The following STAU1 variants were observed in gnomAD, a reference collection of about 807,000 sequenced individuals.
The protein encoded by STAU1 is staufen double-stranded RNA binding protein 1.
In STAU1, 13 loss-of-function variants were observed where a neutral mutation model predicts 62.9. The ratio of observed to expected loss-of-function variants is 0.21; its 90% CI spans 0.13 to 0.33. STAU1 has a LOEUF of 0.33. Ranked by LOEUF, STAU1 falls within the 10% of genes least tolerant of loss-of-function variation. The pLI, the probability that STAU1 is intolerant of heterozygous loss-of-function variation, is 1.00. For missense variants in STAU1, 571 were observed against 712.1 expected (o/e 0.80, Z 2.25); for synonymous variants, 269 against 265.1 (o/e 1.01, Z -0.14).
At chr20:49,151,226 T>A (rs1226009646) in intron 5 of STAU1, among the ~76,000 whole-genome samples, 1 of 152,116 alleles carries the variant, frequency 6.6e-6, no homozygotes, top group South Asian at 2.1e-4. Context: ...CTGGTACCCA[T>A]ATATCACAGT....
Position 49,151,600 on chromosome 20 carries a change from G to A in STAU1, c.492C>T (p.Pro164=). 6.2e-7 allele frequency: 1 copy of A among 1,607,974 alleles called. No individual in the cohort carries two copies. Among genetic ancestry groups the A allele is most frequent in the Non-Finnish European group, 8.5e-7 (1 of 1,177,644 alleles). The change falls in exon 5 of 14, where the codon CCC becomes CCT. Residue 164 remains proline (P), a synonymous_variant. Coordinates refer to ENST00000371856, the MANE Select transcript of STAU1 (RefSeq NM_017453.4). The stretch of plus-strand genomic sequence containing the variant: ...TCCTCACCTCCAGCCTCTCTGGCAG[G>A]GGCTCATTCTGCAGGATCCTCAACG... ...AKALRILQNE[P]LPERLEVNGR... is the part of the protein sequence containing the mutation.
chr20:49,117,002 C>G lies in STAU1; in HGVS notation c.1632+124G>C. 8.0e-7 allele frequency: 1 copy of G among 1,249,100 alleles called. No homozygotes were observed. The highest frequency in any genetic ancestry group is 1.5e-5 in the South Asian group (1 of 68,098). The allele number at this position is 1,249,100 out of a possible 1,614,324, so 77.4% of individuals were successfully genotyped here. A position where few individuals can be genotyped will look rare whatever the true frequency, so the allele number is the denominator to read the frequency against. On this transcript the variant is annotated intron_variant, in intron 12 of 13. Transcript: ENST00000371856. The surrounding 1 kb of genome is among the most constrained non-coding windows in gnomAD (Gnocchi z 4.6). The stretch of plus-strand genomic sequence containing the variant: ...AAAATATGAACACTATCAAACGATT[C>G]ATTGCTCTCAAGGTCTATGGGACAA...
chr20:49,164,750 T>G (rs1469346700), intron 3 of STAU1, among the ~76,000 whole-genome samples: 2 of 151,838 alleles, frequency 1.3e-5, no homozygotes, highest in African/African-American at 2.4e-5. Flanking sequence ...GCCTAGGCAA[T>G]AGAGACCCCG....
chr20:49,136,171 C>T (rs1475716830), intron 5 of STAU1, among the ~76,000 whole-genome samples: 1 of 152,036 alleles, frequency 6.6e-6, no homozygotes, highest in Non-Finnish European at 1.5e-5. Flanking sequence ...GGTGGTGGTA[C>T]ATGCCTGTAG....
chr20:49,190,957 G>A (rs2093830441), upstream of STAU1, among the ~76,000 whole-genome samples: 1 of 145,900 alleles, frequency 6.9e-6, no homozygotes, highest in Admixed American at 6.9e-5. Flanking sequence ...CCAAGCTGAA[G>A]TGCAATGGTG....
intron 1 of STAU1, among the ~76,000 whole-genome samples, chr20:49,176,196 G>A (rs190519160): frequency 6.6e-6 from 1 of 152,192 alleles, no homozygotes; most frequent in East Asian, 1.9e-4. Flanking sequence ...CACTTTATTC[G>A]TAAATGTCGT....
At chr20:49,149,291 C>CA (rs1555851175) in intron 5 of STAU1, among the ~76,000 whole-genome samples, 4 of 147,426 alleles carry the variant, frequency 2.7e-5, no homozygotes, top group East Asian at 2.0e-4. Context: ...CACACACACA[C>CA]CAGCAAGAAC....
At chr20:49,115,114 A>C (rs1003790124) in intron 13 of STAU1, among the ~76,000 whole-genome samples, 1 of 152,028 alleles carries the variant, frequency 6.6e-6, no homozygotes, top group Non-Finnish European at 1.5e-5. Context: ...GAGGGAAGAA[A>C]TATATGTCTA....
intron 2 of STAU1, among the ~76,000 whole-genome samples, chr20:49,173,197 C>T (rs2093619513): frequency 1.3e-5 from 2 of 151,662 alleles, no homozygotes; most frequent in African/African-American, 4.8e-5. Flanking sequence ...GTGGCTCACG[C>T]CTGTAATCCC....
intron 1 of STAU1, among the ~76,000 whole-genome samples, chr20:49,184,955 AAT>A (rs1306071492): frequency 1.3e-5 from 2 of 152,196 alleles, no homozygotes. Flanking sequence ...AGACATTTAT[AAT>A]ATTTATAATA....
chr20:49,129,829 T>A (rs368201908), intron 6 of STAU1, among the ~76,000 whole-genome samples: 1 of 152,062 alleles, frequency 6.6e-6, no homozygotes, highest in African/African-American at 2.4e-5. Context: ...GGTTTCACCA[T>A]GTTGGCCAGG....
chr20:49,121,688 TA>T (rs2092467776), intron 8 of STAU1, among the ~76,000 whole-genome samples: 1 of 152,222 alleles, frequency 6.6e-6, no homozygotes, highest in African/African-American at 2.4e-5. Context: ...CAGTATAATT[TA>T]TAACACACAT....
the STAU1 span, among the ~76,000 whole-genome samples, chr20:49,213,802 G>T: frequency 6.6e-6 from 1 of 152,170 alleles, no homozygotes; most frequent in Admixed American, 6.6e-5. Context: ...CAAAAGGTGA[G>T]GTATAAGCAA....
chr20:49,201,071 A>AAAAAAAAAAAAAAAAAAAAAAAAAAAAG, the STAU1 span, among the ~76,000 whole-genome samples: 1 of 104,566 alleles, frequency 9.6e-6, no homozygotes, highest in East Asian at 4.4e-4. Flanking sequence ...AAAAAAAAAA[A>AAAAAAAAAAAAAAAAAAAAAAAAAAAAG]AAGAAGAAGA....
the STAU1 span, among the ~76,000 whole-genome samples, chr20:49,217,029 C>A: frequency 2.0e-5 from 3 of 152,142 alleles, no homozygotes; most frequent in Non-Finnish European, 4.4e-5. Context: ...TGTCTCTGAG[C>A]CCAGAGGCTC....
the STAU1 span, among the ~76,000 whole-genome samples, chr20:49,202,145 G>A: frequency 3.3e-5 from 5 of 149,816 alleles, no homozygotes; most frequent in South Asian, 2.1e-4. Context: ...GCGTGAACCC[G>A]GGAGGCGGAG....
chr20:49,215,749 G>GT, the STAU1 span, among the ~76,000 whole-genome samples: 3 of 152,106 alleles, frequency 2.0e-5, no homozygotes, highest in Non-Finnish European at 4.4e-5. Flanking sequence ...GCTGACGCCT[G>GT]TAATTCCAGC....
chr20:49,171,538 C>A (rs189955250), intron 2 of STAU1, among the ~76,000 whole-genome samples: 1 of 152,310 alleles, frequency 6.6e-6, no homozygotes, highest in African/African-American at 2.4e-5. Flanking sequence ...CCGCCTGCCT[C>A]GGCCTCCCGA....
the STAU1 span, among the ~76,000 whole-genome samples, chr20:49,193,685 G>A: frequency 6.8e-4 from 9 of 13,174 alleles, no homozygotes; most frequent in South Asian, 9.5e-3. Context: ...TCAAAAAAAC[G>A]GGCCGGGCGC....
Sources: allele counts gnomAD v4.1 joint callset (sites outside exome capture counted in the v4.1 genomes callset), GRCh38; gene constraint gnomAD v4.1.1; non-coding constraint Gnocchi (gnomAD v3.1); transcripts MANE v1.5; gene names NCBI Gene and HGNC (gene_info 2026-07-23, HGNC 2026-07-21).